Variants in NT5C2 observed in about 807,000 individuals in gnomAD.
NT5C2 encodes the protein 5'-nucleotidase, cytosolic II, also known as cytosolic purine 5'-nucleotidase.
Under a neutral mutation model 76.1 loss-of-function variants are expected in NT5C2, and 58 were observed. The ratio of observed to expected loss-of-function variants is 0.76; its 90% CI spans 0.62 to 0.95. The LOEUF is 0.95. NT5C2 is among the 40% of genes least tolerant of loss of function. NT5C2 has a pLI of 0.00. For synonymous variants in NT5C2, 229 were observed against 237.4 expected (o/e 0.96, Z 0.32); for missense variants, 478 against 690.3 (o/e 0.69, Z 3.45).
At chr10:103,100,843 A>G (rs1432649212) in intron 8 of NT5C2, 7 of 675,940 alleles carry the variant, frequency 1.0e-5, no homozygotes, top group Admixed American at 6.1e-5. Flanking sequence ...CACACTGGCA[A>G]GGAGAGGGGC....
chr10:103,190,687 T>C (rs1377549521), intron 1 of NT5C2, among the ~76,000 whole-genome samples: 1 of 152,202 alleles, frequency 6.6e-6, no homozygotes, highest in African/African-American at 2.4e-5. Flanking sequence ...CTTAAATAAA[T>C]GCAATGTCTC....
chr10:103,153,472 C>G, intron 3 of NT5C2: 3 of 985,350 alleles, frequency 3.0e-6, no homozygotes, highest in Non-Finnish European at 3.6e-6. Context: ...TCTCAGTGAC[C>G]AATATCCTCA....
intron 3 of NT5C2, chr10:103,153,682 A>G: frequency 1.0e-6 from 1 of 985,422 alleles, no homozygotes; most frequent in Non-Finnish European, 1.2e-6. Context: ...CTCCAACAGT[A>G]CGCAAACAAT....
At chr10:103,107,856 C>T (rs1251592435) in intron 4 of NT5C2, among the ~76,000 whole-genome samples, 1 of 151,512 alleles carries the variant, frequency 6.6e-6, no homozygotes, top group African/African-American at 2.4e-5. Flanking sequence ...GAAATTCAAG[C>T]AGAAAGAAAA....
chr10:103,090,585 G>T, intron 18 of NT5C2, 26 bp downstream of exon 18: 1 of 1,599,210 alleles, frequency 6.3e-7, no homozygotes, highest in South Asian at 1.1e-5. Flanking sequence ...AGTACATCTT[G>T]GCTGTCCATT....
intron 3 of NT5C2, among the ~76,000 whole-genome samples, chr10:103,145,027 G>A (rs1043500878): frequency 5.3e-5 from 8 of 151,942 alleles, no homozygotes; most frequent in African/African-American, 1.9e-4. Context: ...CCTAATCTAG[G>A]CTACAAAACA....
At position 103,089,605 on chromosome 10, in the gene NT5C2, C is replaced by T; in HGVS notation, c.*67G>A. 6.7e-7 allele frequency: 1 copy of T among 1,485,724 alleles called. No individual in the cohort carries two copies. The highest frequency in any genetic ancestry group is 8.9e-7 in the Non-Finnish European group (1 of 1,117,472). 92.0% of individuals were successfully genotyped at this position (1,485,724 alleles called of 1,614,324 possible). On this transcript the variant is annotated 3_prime_UTR_variant, in exon 19 of 19. Coordinates refer to ENST00000404739, the MANE Select transcript of NT5C2 (RefSeq NM_001351169.2). Reference sequence around the variant, plus strand: ...CCCCCGAGTAGAACCCTAACAGGGACCTCGTTTGTTCCTGTGAGTCCTGCC... The same window carrying T: ...CCCCCGAGTAGAACCCTAACAGGGATCTCGTTTGTTCCTGTGAGTCCTGCC...
intron 3 of NT5C2, among the ~76,000 whole-genome samples, chr10:103,155,165 T>G (rs113194211): frequency 7.8e-4 from 119 of 152,294 alleles, no homozygotes; most frequent in African/African-American, 2.7e-3. Context: ...GTCCTTGATT[T>G]TAAGAAGCTA....
chr10:103,177,787 A>G (rs1174911742), intron 2 of NT5C2, among the ~76,000 whole-genome samples: 1 of 152,242 alleles, frequency 6.6e-6, no homozygotes. Context: ...TAAAAAAATA[A>G]TTTATTCAGG....
intron 3 of NT5C2, among the ~76,000 whole-genome samples, chr10:103,168,392 G>A (rs1019116869): frequency 1.3e-5 from 2 of 152,156 alleles, no homozygotes; most frequent in Non-Finnish European, 2.9e-5. Context: ...ACCTGACTTC[G>A]GTATCCTGGG....
chr10:103,172,447 CTG>C (rs1034021010), intron 3 of NT5C2, among the ~76,000 whole-genome samples: 2 of 151,620 alleles, frequency 1.3e-5, no homozygotes, highest in African/African-American at 4.8e-5. Context: ...CGAGGTTTCA[CTG>C]TGTTAGCCAG....
At chr10:103,159,738 T>C (rs979655852) in intron 3 of NT5C2, among the ~76,000 whole-genome samples, 1 of 150,630 alleles carries the variant, frequency 6.6e-6, no homozygotes, top group Non-Finnish European at 1.5e-5. Flanking sequence ...GACTACAAAA[T>C]ACTGTTGAAA....
At chr10:103,192,860 G>A (rs1345037786) in intron 1 of NT5C2, among the ~76,000 whole-genome samples, 1 of 152,196 alleles carries the variant, frequency 6.6e-6, no homozygotes, top group Non-Finnish European at 1.5e-5. Flanking sequence ...CCACCAGCGT[G>A]AGGAAAGGGG....
At position 103,089,824 on chromosome 10, in the gene NT5C2, C is replaced by T; in HGVS notation, c.1534G>A (p.Val512Met). The T allele has an allele frequency of 1.2e-6, 2 of 1,614,116 alleles. No homozygotes were observed. Among genetic ancestry groups the T allele is most frequent in the South Asian group, 1.1e-5 (1 of 91,086 alleles). The stretch of plus-strand genomic sequence containing the variant: ...TTGTAGTCAGTGTCTTTGAAATCCA[C>T]TGATGTGCGGTTCCGGGTGGCAAGA... ...SPLATRNRTS[V>M]DFKDTDYKRH... The change falls in exon 19 of 19, where the codon GTG becomes ATG. Residue 512 changes from valine (V) to methionine (M), a missense_variant. Coordinates refer to ENST00000404739, the MANE Select transcript of NT5C2 (RefSeq NM_001351169.2).
rs372372478 is a variant in NT5C2 at position 103,099,342 on chromosome 10, T to G, written c.634-358A>C. Among the ~76,000 whole-genome samples the G allele has an allele frequency of 1.2e-3, 176 of 152,312 alleles. 5 individuals are homozygous for G. The South Asian group carries it at 0.034, about 29-fold the overall frequency. On this transcript the variant is annotated intron_variant, in intron 9 of 18. Transcript: ENST00000404739. Reference sequence around the variant, plus strand: ...CACCTGCCTTGGCATCACAAAGTGCTGGGATTACAGGCATGAGCCATCATG... The same window carrying G: ...CACCTGCCTTGGCATCACAAAGTGCGGGGATTACAGGCATGAGCCATCATG...
intron 4 of NT5C2, among the ~76,000 whole-genome samples, chr10:103,109,585 AT>A (rs1237013224): frequency 6.6e-6 from 1 of 152,212 alleles, no homozygotes; most frequent in Non-Finnish European, 1.5e-5. Flanking sequence ...TTCTTACAGG[AT>A]TTGGTCCATA....
At chr10:103,143,030 A>G (rs1004393324) in intron 3 of NT5C2, among the ~76,000 whole-genome samples, 1 of 151,766 alleles carries the variant, frequency 6.6e-6, no homozygotes, top group Admixed American at 6.6e-5. Context: ...AAAAGAAAAG[A>G]GGAAAGGGAA....
rs116702241 is a variant in NT5C2 at position 103,089,696 on chromosome 10, T to A, written c.1662A>T (p.Glu554Asp). ...ITHCHDEDDD[E>D]EEEEEEE ...CTTATTCTTCCTCCTCCTCCTCCTC[T>A]TCATCATCATCTTCGTCATGGCAGT... Residue 554 changes from glutamate (E) to aspartate (D), a missense_variant, in exon 19 of 19, where the codon GAA becomes GAT. Transcript: ENST00000404739. The A allele has an allele frequency of 6.8e-6, 11 of 1,609,742 alleles. No individual in the cohort carries two copies. The East Asian group carries it at 8.9e-5, about 13-fold the overall frequency.
At chr10:103,186,973 A>AG (rs1369069040) in intron 1 of NT5C2, among the ~76,000 whole-genome samples, 1 of 149,860 alleles carries the variant, frequency 6.7e-6, no homozygotes, top group Non-Finnish European at 1.5e-5. Context: ...ATGTTAGGCC[A>AG]GGGGCGGTGG....
Sources: allele counts gnomAD v4.1 joint callset (sites outside exome capture counted in the v4.1 genomes callset), GRCh38; gene constraint gnomAD v4.1.1; transcripts MANE v1.5; gene names NCBI Gene and HGNC (gene_info 2026-07-23, HGNC 2026-07-21).